SLC12A2: variants seen among roughly 807,000 people sequenced by gnomAD.
SLC12A2 encodes Na-K-2Cl cotransporter 1.
Under a neutral mutation model 136.3 loss-of-function variants are expected in SLC12A2, and 67 were observed. The ratio of observed to expected loss-of-function variants is 0.49; its 90% CI spans 0.40 to 0.60. SLC12A2 has a LOEUF of 0.60. Ranked by LOEUF, SLC12A2 falls within the 20% of genes least tolerant of loss-of-function variation. The pLI, the probability that SLC12A2 is intolerant of heterozygous loss-of-function variation, is 0.00. For missense variants in SLC12A2, 1,322 were observed against 1,534.7 expected (o/e 0.86, Z 2.32); for synonymous variants, 619 against 562.9 (o/e 1.10, Z -1.41).
intron 22 of SLC12A2, 29 bp downstream of exon 22, chr5:128,178,718 T>C (rs773876566): frequency 2.7e-6 from 4 of 1,500,036 alleles, no homozygotes; most frequent in Non-Finnish European, 3.6e-6. Context: ...TTAAAATGAT[T>C]TTAAATTTAC....
intron 26 of SLC12A2, among the ~76,000 whole-genome samples, chr5:128,185,090 G>A (rs1198770481): frequency 6.6e-6 from 1 of 151,994 alleles, no homozygotes; most frequent in Non-Finnish European, 1.5e-5. Flanking sequence ...GGTTATATTG[G>A]AACCTTTTGT....
chr5:128,161,507 A>G lies in SLC12A2; in HGVS notation c.2476-153A>G, dbSNP rs570968882. ...CTACCTTTTTGTAATCTTATGTATT[A>G]AAAAGACTACATGGAAATAAAATGC... On this transcript the variant is annotated intron_variant, in intron 16 of 26. Transcript: ENST00000262461. Among the ~76,000 whole-genome samples, 96 of 152,296 alleles carry G rather than the reference A, an allele frequency of 6.3e-4. 1 individual carries two copies. Among genetic ancestry groups the G allele is most frequent in the Non-Finnish European group, 1.1e-3 (72 of 68,026 alleles).
intron 3 of SLC12A2, 116 bp from the exon 4 acceptor site, chr5:128,114,470 T>C: frequency 1.2e-6 from 1 of 833,290 alleles, no homozygotes; most frequent in South Asian, 1.7e-5. Flanking sequence ...GAGATCAAAA[T>C]TGGGTAATTT....
rs1763936342 is a variant in SLC12A2, at chr5:128,188,450, A to G, written c.*1819A>G. 6.6e-6 allele frequency: 1 copy of G among 152,022 alleles called. No individual in the cohort carries two copies. Among genetic ancestry groups the G allele is most frequent in the Non-Finnish European group, 1.5e-5 (1 of 68,052 alleles). The allele number at this position is 152,022 out of a possible 1,614,324, so 9.4% of individuals were successfully genotyped here. ...GCTGGGACTACGGGTGCACGCCACC[A>G]TGCCCAGCTAATTTTTGTATTTTGA... On this transcript the variant is annotated 3_prime_UTR_variant, in exon 27 of 27. Coordinates refer to ENST00000262461, the MANE Select transcript of SLC12A2 (RefSeq NM_001046.3).
chr5:128,105,863 T>C (rs914249947), intron 1 of SLC12A2, among the ~76,000 whole-genome samples: 1 of 152,184 alleles, frequency 6.6e-6, no homozygotes, highest in Non-Finnish European at 1.5e-5. Context: ...CTTCTTTACC[T>C]ACTAGCTTTT....
chr5:128,093,505 C>A (rs1220344830), intron 1 of SLC12A2, among the ~76,000 whole-genome samples: 3 of 152,022 alleles, frequency 2.0e-5, no homozygotes, highest in African/African-American at 7.2e-5. Context: ...CTTCCCATTC[C>A]CTCCAGAAAC....
chr5:128,084,467 C>T lies in SLC12A2; in HGVS notation c.513C>T (p.Phe171=), dbSNP rs1378023486. ...GVGVDGPNVS[F]QNGGDTVLSE... is the part of the protein sequence containing the mutation. ...GAGTCGACGGGCCCAACGTGAGCTT[C>T]CAGAACGGCGGGGACACGGTGCTGA... Residue 171 remains phenylalanine, a synonymous_variant, in exon 1 of 27, where the codon TTC becomes TTT. Transcript: ENST00000262461. The surrounding 1 kb of genome is among the most constrained non-coding windows in gnomAD (Gnocchi z 5.6). 6.2e-7 allele frequency: 1 copy of T among 1,612,948 alleles called. No individual in the cohort carries two copies. Among genetic ancestry groups the T allele is most frequent in the Non-Finnish European group, 8.5e-7 (1 of 1,179,716 alleles).
intron 21 of SLC12A2, chr5:128,178,322 T>C (rs2126754528): frequency 8.0e-6 from 2 of 249,814 alleles, no homozygotes; most frequent in East Asian, 7.3e-5. Flanking sequence ...CTTGAAAATA[T>C]TAGTAAGTAG....
intron 9 of SLC12A2, among the ~76,000 whole-genome samples, chr5:128,139,696 G>T (rs1581103574): frequency 1.3e-5 from 2 of 152,142 alleles, no homozygotes; most frequent in African/African-American, 4.8e-5. Flanking sequence ...CATATGGTTT[G>T]CATTTGTCAA....
intron 6 of SLC12A2, 115 bp from the exon 7 acceptor site, chr5:128,135,585 A>G (rs1318875951): frequency 1.3e-5 from 9 of 688,674 alleles, no homozygotes; most frequent in Non-Finnish European, 2.3e-5. Flanking sequence ...GCACTGGGGA[A>G]TCAGGCAAAA....
intron 18 of SLC12A2, chr5:128,169,587 G>A (rs1036751991): frequency 6.6e-6 from 1 of 151,980 alleles, no homozygotes; most frequent in African/African-American, 2.4e-5. Flanking sequence ...GCTGAGTTTT[G>A]GTTTTATTAA....
chr5:128,109,557 A>C (rs907730321), intron 1 of SLC12A2: 24 of 693,030 alleles, frequency 3.5e-5, no homozygotes, highest in Non-Finnish European at 6.4e-5. Context: ...GGAGAAAGGC[A>C]GCTGAGTCCG....
intron 1 of SLC12A2, among the ~76,000 whole-genome samples, chr5:128,102,013 A>G (rs1378694411): frequency 6.6e-6 from 1 of 152,172 alleles, no homozygotes; most frequent in Admixed American, 6.6e-5. Context: ...TAGAGTCTAG[A>G]TTAGTAATGT....
intron 4 of SLC12A2, among the ~76,000 whole-genome samples, chr5:128,129,448 T>C (rs1487200739): frequency 2.0e-5 from 3 of 151,614 alleles, no homozygotes; most frequent in Non-Finnish European, 4.4e-5. Flanking sequence ...CTCAAAATCA[T>C]GAGGCTAATG....
chr5:128,186,764 C>A lies in SLC12A2; in HGVS notation c.*133C>A. ...TTTCACGATTTCATTAATTTGAAAG[C>A]ACACAGGAAAGTTGCTCCATTGATA... On this transcript the variant is annotated 3_prime_UTR_variant, in exon 27 of 27. Coordinates refer to ENST00000262461, the MANE Select transcript of SLC12A2 (RefSeq NM_001046.3). 1 of 993,246 alleles carries A rather than the reference C, an allele frequency of 1.0e-6. No individual in the cohort carries two copies. Among genetic ancestry groups the A allele is most frequent in the Non-Finnish European group, 1.5e-6 (1 of 674,480 alleles). 61.5% of individuals were successfully genotyped at this position (993,246 alleles called of 1,614,324 possible). A position where few individuals can be genotyped will look rare whatever the true frequency, so the allele number is the denominator to read the frequency against.
Position 128,084,474 on chromosome 5 carries a change from G to A in SLC12A2, c.520G>A (p.Gly174Ser). The change falls in exon 1 of 27, where the codon GGC (glycine) becomes AGC (serine). Residue 174 changes from glycine to serine, a missense_variant. Around this residue, in one of 8 missense-constraint regions of SLC12A2, gnomAD observed 358 missense variants for 299.7 expected, o/e 1.19. Transcript: ENST00000262461. This position sits in a 1 kb window ranked among gnomAD's most constrained non-coding sequence, Gnocchi z 5.6. ...CGGGCCCAACGTGAGCTTCCAGAAC[G>A]GCGGGGACACGGTGCTGAGCGAGGG... Reference protein sequence around the residue: ...VDGPNVSFQNGGDTVLSEGSS... With the variant: ...VDGPNVSFQNSGDTVLSEGSS... 6.2e-7 allele frequency: 1 copy of A among 1,608,612 alleles called. No homozygotes were observed. The highest frequency in any genetic ancestry group is 1.3e-5 in the African/African-American group (1 of 74,962).
chr5:128,130,930 G>C (rs1410902153), intron 4 of SLC12A2, 137 bp from the exon 5 acceptor site: 1 of 693,464 alleles, frequency 1.4e-6, no homozygotes, highest in African/African-American at 1.8e-5. Flanking sequence ...TGAAAATACA[G>C]TCACTCACTT....
At chr5:128,146,575 T>G (rs1437136610) in intron 10 of SLC12A2, among the ~76,000 whole-genome samples, 1 of 151,300 alleles carries the variant, frequency 6.6e-6, no homozygotes, top group Non-Finnish European at 1.5e-5. Flanking sequence ...AGGAAATGTT[T>G]GAACATGTAC....
intron 17 of SLC12A2, among the ~76,000 whole-genome samples, chr5:128,164,533 G>C (rs1763143000): frequency 6.6e-6 from 1 of 152,166 alleles, no homozygotes; most frequent in Admixed American, 6.5e-5. Context: ...ACTAGTAACT[G>C]AAATTTTTAG....
Sources: gnomAD v4.1 joint callset for allele counts (sites outside exome capture counted in the v4.1 genomes callset) on GRCh38, gnomAD v4.1.1 for gene constraint, gnomAD v4.1.1 regional missense constraint, Gnocchi (gnomAD v3.1) non-coding constraint, MANE v1.5 for transcripts, NCBI Gene and HGNC (gene_info 2026-07-23, HGNC 2026-07-21) for gene names.